The following BUD23 variants were observed in gnomAD, a reference collection of about 807,000 sequenced individuals.
BUD23 encodes the protein BUD23 rRNA methyltransferase and ribosome maturation factor.
Under a neutral mutation model 47.0 loss-of-function variants are expected in BUD23, and 34 were observed. The ratio of observed to expected loss-of-function variants is 0.72; its 90% CI spans 0.55 to 0.96. The LOEUF (loss-of-function observed/expected upper bound fraction) is 0.96, where lower values mean the gene tolerates loss of function less well. Ranked by LOEUF, BUD23 falls within the 40% of genes least tolerant of loss-of-function variation. The probability of loss-of-function intolerance (pLI) is 0.00; values close to 1 mark genes in which losing one functional copy is unlikely to be tolerated. For synonymous variants in BUD23, 124 were observed against 132.0 expected (o/e 0.94, Z 0.41); for missense variants, 343 against 361.2 (o/e 0.95, Z 0.41).
intron 5 of BUD23, among the ~76,000 whole-genome samples, chr7:73,687,527 G>C (rs1364157105): frequency 6.6e-6 from 1 of 152,014 alleles, no homozygotes; most frequent in Non-Finnish European, 1.5e-5. Flanking sequence ...CACCCTCCTC[G>C]GCCTCCCAAA....
chr7:73,689,587 T>C (rs963274691), intron 5 of BUD23, among the ~76,000 whole-genome samples: 1 of 151,662 alleles, frequency 6.6e-6, no homozygotes, highest in African/African-American at 2.4e-5. Context: ...CTGGGAGGAA[T>C]TTGGATAGTC....
At chr7:73,697,558 C>G (rs1554615044) in intron 10 of BUD23, 47 bp from the exon 11 acceptor site, 2 of 1,612,932 alleles carry the variant, frequency 1.2e-6, no homozygotes, top group African/African-American at 2.7e-5. Context: ...GTCGGGCAGC[C>G]CCATCCATCA....
chr7:73,698,139 A>G lies in BUD23; in HGVS notation c.*253A>G, dbSNP rs1253387593. 1.2e-4 allele frequency: 29 copies of G among 237,444 alleles called. No individual in the cohort carries two copies. The highest frequency in any genetic ancestry group is 2.3e-4 in the African/African-American group (10 of 42,728). The allele number at this position is 237,444 out of a possible 1,614,324, so 14.7% of individuals were successfully genotyped here. ...AATGAAACTTCCTTTCCAGGGAGGA[A>G]AAAAAAAAAAAAAAAAAGCTCTGAG... On this transcript the variant is annotated 3_prime_UTR_variant, in exon 12 of 12. Coordinates refer to ENST00000265758, the MANE Select transcript of BUD23 (RefSeq NM_017528.5).
At chr7:73,684,617 A>AG (rs35734688) in intron 2 of BUD23, among the ~76,000 whole-genome samples, 47,343 of 86,232 alleles carry the variant, frequency 0.55, 11,780 homozygotes, top group Middle Eastern at 0.7. Context: ...AAAAAAAAAA[A>AG]GGGGGGGGGA....
Position 73,697,956 on chromosome 7 carries a change from T to C in BUD23, c.*70T>C. The C allele has an allele frequency of 6.5e-7, 1 of 1,533,030 alleles. No individual in the cohort carries two copies. The highest frequency in any genetic ancestry group is 1.4e-5 in the African/African-American group (1 of 71,652). 95.0% of individuals were successfully genotyped at this position (1,533,030 alleles called of 1,614,324 possible). ...ATATTGTTCAGCTGACAAAGTAGTA[T>C]TTTAGAAAAGTTCTAAAGTTATAAA... On this transcript the variant is annotated 3_prime_UTR_variant, in exon 12 of 12. Transcript: ENST00000265758.
intron 2 of BUD23, among the ~76,000 whole-genome samples, chr7:73,686,423 G>A (rs1468232650): frequency 1.3e-5 from 2 of 152,222 alleles, no homozygotes; most frequent in Non-Finnish European, 2.9e-5. Flanking sequence ...AAATAACATG[G>A]TCCTGAATTA....
Position 73,697,880 on chromosome 7 carries a change from C to CTT in BUD23, c.841_842dup (p.Ter282SerfsTer24). ...ACACCGGCCGCAAGCGCAAGCCCCG[C>CTT]TTCTAAGTCACCACGCGGTTCTGGA... On this transcript the variant is annotated frameshift_variant, in exon 12 of 12. Transcript: ENST00000265758. LOFTEE classifies it high-confidence loss of function. 1 of 1,613,800 alleles carries CTT rather than the reference C, an allele frequency of 6.2e-7. No individual in the cohort carries two copies. Among genetic ancestry groups the CTT allele is most frequent in the Non-Finnish European group, 8.5e-7 (1 of 1,179,956 alleles).
rs782613992 is a variant in BUD23 at position 73,693,654 on chromosome 7, G to C, written c.627G>C (p.Ser209=). 3 of 1,613,982 alleles carry C rather than the reference G, an allele frequency of 1.9e-6. No individual in the cohort carries two copies. Among genetic ancestry groups the C allele is most frequent in the African/African-American group, 2.7e-5 (2 of 74,880 alleles). The change falls in exon 9 of 12, where the codon TCG becomes TCC. Residue 209 remains serine (S), a synonymous_variant. Coordinates refer to ENST00000265758, the MANE Select transcript of BUD23 (RefSeq NM_017528.5). ...ACCTCTGCTTGTTTTCTGGGCCTTC[G>C]ACCTTTATACCAGAGGTGAGGGACA... is the stretch of plus-strand genomic sequence containing the variant. The part of the protein sequence containing the change: ...KFYLCLFSGP[S]TFIPEGLSEN...
intron 5 of BUD23, among the ~76,000 whole-genome samples, chr7:73,688,470 C>T (rs934928947): frequency 1.3e-5 from 2 of 152,212 alleles, no homozygotes; most frequent in South Asian, 2.1e-4. Context: ...GTCTTTTAGT[C>T]TCTAGCGGCC....
At chr7:73,684,638 G>A (rs1455355858) in intron 2 of BUD23, among the ~76,000 whole-genome samples, 18 of 146,926 alleles carry the variant, frequency 1.2e-4, no homozygotes, top group African/African-American at 4.5e-4. Context: ...TGGGGGCGGG[G>A]GGAAGCTGGC....
At position 73,688,694 on chromosome 7, in the gene BUD23, A is replaced by G. The variant is rs192144217; in HGVS notation, c.362+1599A>G. 8.2e-4 allele frequency among the ~76,000 whole-genome samples: 125 copies of G among 152,328 alleles called. 1 individual carries two copies. The South Asian group carries it at 0.011, about 13-fold the overall frequency. Reference sequence around the variant, plus strand: ...ATTAAGTTTTTCTTAGGCTGCTGTGATCAGTTCTGTTTAGTTTTTGGTGTG... The same window carrying G: ...ATTAAGTTTTTCTTAGGCTGCTGTGGTCAGTTCTGTTTAGTTTTTGGTGTG... On this transcript the variant is annotated intron_variant, in intron 5 of 11. Coordinates refer to ENST00000265758, the MANE Select transcript of BUD23 (RefSeq NM_017528.5).
Position 73,683,795 on chromosome 7 carries a change from A to G in BUD23, c.77A>G (p.Tyr26Cys), listed in dbSNP as rs781937000. The part of the protein sequence containing the change: ...LFYDETEARK[Y>C]VRNSRMIDIQ... ...TATGACGAGACAGAAGCCCGGAAAT[A>G]CGTTCGCAAGTGAGGGGAGCCTGAA... The change falls in exon 2 of 12, where the codon TAC (tyrosine) becomes TGC (cysteine). Residue 26 changes from tyrosine (Y) to cysteine (C), a missense_variant. Coordinates refer to ENST00000265758, the MANE Select transcript of BUD23 (RefSeq NM_017528.5). The G allele has an allele frequency of 1.9e-6, 3 of 1,614,130 alleles. No homozygotes were observed. The highest frequency in any genetic ancestry group is 2.2e-5 in the South Asian group (2 of 91,074).
chr7:73,684,873 G>A (rs1464863826), intron 2 of BUD23, among the ~76,000 whole-genome samples: 1 of 123,572 alleles, frequency 8.1e-6, no homozygotes, highest in Non-Finnish European at 1.6e-5. Context: ...GCAGTGAGCC[G>A]ACATCACGGC....
intron 2 of BUD23, among the ~76,000 whole-genome samples, chr7:73,686,307 C>T (rs190645205): frequency 7.6e-4 from 116 of 152,278 alleles, no homozygotes; most frequent in African/African-American, 2.8e-3. Flanking sequence ...GCTAGAGCAG[C>T]CCAGCCTAAT....
chr7:73,693,130 G>A, intron 7 of BUD23, 199 bp from the exon 8 acceptor site: 1 of 609,420 alleles, frequency 1.6e-6, no homozygotes, highest in Non-Finnish European at 3.0e-6. Flanking sequence ...GAGTTGCTTT[G>A]TTCTGTAATT....
chr7:73,684,254 G>C (rs531787408), intron 2 of BUD23, among the ~76,000 whole-genome samples: 3 of 152,254 alleles, frequency 2.0e-5, no homozygotes, highest in Non-Finnish European at 2.9e-5. Flanking sequence ...GTTGTAGCCA[G>C]GTGGGAGTGG....
In BUD23 at chr7:73,698,022, G is replaced by A. The variant is rs1254805382; in HGVS notation, c.*136G>A. The A allele has an allele frequency of 1.5e-5, 16 of 1,058,106 alleles. No individual in the cohort carries two copies. The highest frequency in any genetic ancestry group is 5.4e-5 in the East Asian group (2 of 37,236). 65.5% of individuals were successfully genotyped at this position (1,058,106 alleles called of 1,614,324 possible). On this transcript the variant is annotated 3_prime_UTR_variant, in exon 12 of 12. Coordinates refer to ENST00000265758, the MANE Select transcript of BUD23 (RefSeq NM_017528.5). ...AAAAAAAAAGTTCTCTGGGCCGGGC[G>A]TGGTGGCTCACACCTGTAATCCCAG...
intron 6 of BUD23, 147 bp downstream of exon 6, chr7:73,691,159 C>G: frequency 1.5e-6 from 1 of 662,118 alleles, no homozygotes; most frequent in East Asian, 2.7e-5. Flanking sequence ...GTGGTTACTT[C>G]TGTCCAGGTC....
Position 73,693,399 on chromosome 7 carries a change from G to A in BUD23, c.581G>A (p.Ser194Asn). 6.2e-7 allele frequency: 1 copy of A among 1,614,194 alleles called. No homozygotes were observed. The highest frequency in any genetic ancestry group is 8.5e-7 in the Non-Finnish European group (1 of 1,180,042). Residue 194 changes from serine to asparagine, a missense_variant, in exon 8 of 12, where the codon AGT becomes AAT. Transcript: ENST00000265758. ...SGGMVVDYPN[S>N]AKAKKFYLCL... ...GGCATGGTGGTAGACTACCCTAACA[G>A]TGCCAAAGCAAAGAAGTGAGCGCTG...
Sources: allele counts gnomAD v4.1 joint callset (sites outside exome capture counted in the v4.1 genomes callset), GRCh38; gene constraint gnomAD v4.1.1; transcripts MANE v1.5; gene names NCBI Gene and HGNC (gene_info 2026-07-23, HGNC 2026-07-21).